Variants in GATA6 observed in about 807,000 individuals in gnomAD.
The protein encoded by GATA6 is transcription factor GATA-6.
A neutral mutation model predicts 48.1 loss-of-function variants in GATA6; 11 were observed. The observed-to-expected ratio is 0.23, with a 90% CI of 0.14 to 0.38. GATA6 has a LOEUF of 0.38. Ranked by LOEUF, GATA6 falls within the 10% of genes least tolerant of loss-of-function variation. The pLI is 1.00. For missense variants in GATA6, 795 were observed against 850.3 expected, an observed-to-expected ratio of 0.93 and a Z score of 0.81; for synonymous variants, 419 against 396.1, an observed-to-expected ratio of 1.06 and a Z score of -0.69.
At chr18:22,176,713 C>G in intron 2 of GATA6, 3 of 475,148 alleles carry the variant, frequency 6.3e-6, no homozygotes, top group Non-Finnish European at 1.1e-5. Context: ...AGCACTGTCT[C>G]TTTCCCGGAG....
chr18:22,177,799 T>C (rs1417577970), intron 3 of GATA6, among the ~76,000 whole-genome samples: 1 of 152,166 alleles, frequency 6.6e-6, no homozygotes, highest in Non-Finnish European at 1.5e-5. Context: ...AAATACCATA[T>C]CTTGGATTGC....
rs2033461900 is a variant in GATA6, at chr18:22,201,486, G to A, written c.*663G>A. The A allele has an allele frequency of 6.5e-6, 1 of 152,702 alleles. No homozygotes were observed. Among genetic ancestry groups the A allele is most frequent in the Non-Finnish European group, 1.5e-5 (1 of 68,132 alleles). The allele number at this position is 152,702 out of a possible 1,614,324, so 9.5% of individuals were successfully genotyped here. A position where few individuals can be genotyped will look rare whatever the true frequency, so the allele number is the denominator to read the frequency against. The stretch of plus-strand genomic sequence containing the variant: ...ATAATTTTTTTAAAAAGTGCAATTT[G>A]CGTTGCAGCAATCAGTGTTAAATCA... On this transcript the variant is annotated 3_prime_UTR_variant, in exon 7 of 7. Transcript: ENST00000269216.
At chr18:22,198,035 G>T (rs1174625196) in intron 6 of GATA6, among the ~76,000 whole-genome samples, 3 of 150,184 alleles carry the variant, frequency 2.0e-5, no homozygotes, top group Non-Finnish European at 4.5e-5. Flanking sequence ...GCTGTCAGTT[G>T]TTGCTTTGCC....
intron 6 of GATA6, among the ~76,000 whole-genome samples, chr18:22,189,883 ACTC>A (rs911207622): frequency 6.6e-5 from 10 of 151,708 alleles, no homozygotes; most frequent in Non-Finnish European, 1.0e-4. Flanking sequence ...TTTATTTTTT[ACTC>A]CTCCTTCTAA....
intron 6 of GATA6, among the ~76,000 whole-genome samples, chr18:22,193,614 G>C (rs1358421452): frequency 2.0e-5 from 3 of 152,188 alleles, no homozygotes; most frequent in Non-Finnish European, 4.4e-5. Flanking sequence ...CAGAGGCTGG[G>C]GGAGCCGACA....
At chr18:22,197,392 C>T (rs2033404595) in intron 6 of GATA6, among the ~76,000 whole-genome samples, 1 of 152,170 alleles carries the variant, frequency 6.6e-6, no homozygotes, top group Non-Finnish European at 1.5e-5. Flanking sequence ...GGCATAGGTG[C>T]CTCTTTTTAT....
chr18:22,177,261 G>A, intron 3 of GATA6, 140 bp downstream of exon 3: 1 of 743,974 alleles, frequency 1.3e-6, no homozygotes, highest in Non-Finnish European at 2.0e-6. Context: ...ACCCTAGCGG[G>A]GACCCAGCGG....
At chr18:22,199,937 G>A (rs529114452) in intron 6 of GATA6, among the ~76,000 whole-genome samples, 2 of 149,392 alleles carry the variant, frequency 1.3e-5, no homozygotes, top group East Asian at 3.9e-4. Context: ...AGAAATCATT[G>A]CCATGATCAT....
At chr18:22,200,176 A>AGTGT (rs59255780) in intron 6 of GATA6, among the ~76,000 whole-genome samples, 29,903 of 150,362 alleles carry the variant, frequency 0.2, 3,054 homozygotes, top group South Asian at 0.24. Context: ...GCCTTGTTAG[A>AGTGT]GTGTGTGTGT....
chr18:22,171,279 C>T lies in GATA6; in HGVS notation c.135C>T (p.Ser45=). The change falls in exon 2 of 7, where the codon TCC becomes TCT. Residue 45 remains serine (S), a synonymous_variant. Coordinates refer to ENST00000269216, the MANE Select transcript of GATA6 (RefSeq NM_005257.6). This position sits in a 1 kb window ranked among gnomAD's most constrained non-coding sequence, Gnocchi z 7.1. The part of the protein sequence containing the change: ...PPSPISSSSS[S]CSRGGERGPG... ...CCCCCATCTCTTCCTCGTCCTCCTC[C>T]TGCTCCCGGGGCGGAGAGCGGGGCC... is the stretch of plus-strand genomic sequence containing the variant. The T allele has an allele frequency of 6.3e-7, 1 of 1,595,400 alleles. No homozygotes were observed. Among genetic ancestry groups the T allele is most frequent in the Non-Finnish European group, 8.5e-7 (1 of 1,176,896 alleles).
At chr18:22,174,935 C>A (rs1364867135) in intron 2 of GATA6, among the ~76,000 whole-genome samples, 1 of 152,028 alleles carries the variant, frequency 6.6e-6, no homozygotes, top group Non-Finnish European at 1.5e-5. Flanking sequence ...CTGGGTCCTA[C>A]ACCCTCCTAA....
chr18:22,192,433 T>C (rs1047720065), intron 6 of GATA6, among the ~76,000 whole-genome samples: 2 of 152,214 alleles, frequency 1.3e-5, no homozygotes, highest in Non-Finnish European at 2.9e-5. Context: ...AATGGGGAAA[T>C]TTAGAGACGT....
intron 6 of GATA6, among the ~76,000 whole-genome samples, chr18:22,194,314 A>T (rs1221752692): frequency 6.6e-6 from 1 of 152,244 alleles, no homozygotes. Flanking sequence ...AAGTGCCTCC[A>T]TTTTCAGTTG....
intron 4 of GATA6, among the ~76,000 whole-genome samples, chr18:22,181,906 ATATGG>A (rs2033201034): frequency 6.6e-6 from 1 of 152,344 alleles, no homozygotes; most frequent in South Asian, 2.1e-4. Flanking sequence ...AGAATTGGTA[ATATGG>A]TAGTAACTGT....
Position 22,176,950 on chromosome 18 carries a change from C to A in GATA6, c.1136-5C>A. ...TCCCGCCCTCACGCACCGCTGTCGC[C>A]GCAGACCTGCTGGAGGACCTGTCCG... On this transcript the variant is annotated splice_region_variant and splice_polypyrimidine_tract_variant and intron_variant, in intron 2 of 6. Coordinates refer to ENST00000269216, the MANE Select transcript of GATA6 (RefSeq NM_005257.6). 6.5e-7 allele frequency: 1 copy of A among 1,547,246 alleles called. No individual in the cohort carries two copies. Among genetic ancestry groups the A allele is most frequent in the Non-Finnish European group, 8.7e-7 (1 of 1,150,662 alleles).
rs1335877095 is a variant in GATA6 at position 22,202,173 on chromosome 18, ACT to A, written c.*1354_*1355del. ...AAGTTGACACATGGGGTTAGTTACT[ACT>A]CTCCATGTGCATTGGGGACAGTTTT... On this transcript the variant is annotated 3_prime_UTR_variant, in exon 7 of 7. Transcript: ENST00000269216. 2.6e-5 allele frequency: 4 copies of A among 151,938 alleles called. No individual in the cohort carries two copies. The highest frequency in any genetic ancestry group is 5.9e-5 in the Non-Finnish European group (4 of 67,984). 9.4% of individuals were successfully genotyped at this position (151,938 alleles called of 1,614,324 possible). A position where few individuals can be genotyped will look rare whatever the true frequency, so the allele number is the denominator to read the frequency against.
intron 2 of GATA6, among the ~76,000 whole-genome samples, chr18:22,174,905 T>G (rs1377694336): frequency 6.6e-6 from 1 of 151,836 alleles, no homozygotes; most frequent in African/African-American, 2.4e-5. Flanking sequence ...GAGCTCAGAG[T>G]CCTCACACTC....
At chr18:22,184,864 G>T (rs1373780487) in intron 6 of GATA6, among the ~76,000 whole-genome samples, 4 of 152,122 alleles carry the variant, frequency 2.6e-5, no homozygotes, top group Non-Finnish European at 5.9e-5. Flanking sequence ...AAAACAATTT[G>T]GTTTTCTAAA....
At chr18:22,183,703 C>T (rs2033226217) in intron 6 of GATA6, among the ~76,000 whole-genome samples, 2 of 152,194 alleles carry the variant, frequency 1.3e-5, no homozygotes, top group African/African-American at 4.8e-5. Context: ...GGATCACAGA[C>T]TTAGTTTCTT....
Sources: allele counts gnomAD v4.1 joint callset (sites outside exome capture counted in the v4.1 genomes callset), GRCh38; gene constraint gnomAD v4.1.1; non-coding constraint Gnocchi (gnomAD v3.1); transcripts MANE v1.5; gene names NCBI Gene and HGNC (gene_info 2026-07-23, HGNC 2026-07-21).